The following CDH12 variants were observed in gnomAD, a reference collection of about 807,000 sequenced individuals.
The protein encoded by CDH12 is cadherin-12.
In CDH12, 41 loss-of-function variants were observed where a neutral mutation model predicts 74.1. The ratio of observed to expected loss-of-function variants is 0.55; its 90% CI spans 0.43 to 0.72. The LOEUF (loss-of-function observed/expected upper bound fraction) is 0.72. CDH12 is among the 30% of genes least tolerant of loss of function. CDH12 has a pLI of 0.00. For synonymous variants in CDH12, 399 were observed against 355.0 expected (o/e 1.12, Z -1.39); for missense variants, 945 against 977.2 (o/e 0.97, Z 0.44).
intron 1 of CDH12, among the ~76,000 whole-genome samples, chr5:22,608,493 G>A (rs933376194): frequency 6.6e-6 from 1 of 152,144 alleles, no homozygotes; most frequent in Non-Finnish European, 1.5e-5. Flanking sequence ...GACTTGCCTT[G>A]TCTCAGATAA....
At chr5:22,299,733 A>C (rs1436020872) in intron 3 of CDH12, among the ~76,000 whole-genome samples, 1 of 152,184 alleles carries the variant, frequency 6.6e-6, no homozygotes, top group Non-Finnish European at 1.5e-5. Context: ...TAAATAAATC[A>C]GTAGTTGTAT....
intron 1 of CDH12, among the ~76,000 whole-genome samples, chr5:22,844,557 T>C (rs1235349470): frequency 1.3e-5 from 2 of 152,138 alleles, no homozygotes; most frequent in Admixed American, 1.3e-4. Flanking sequence ...GGTGTATATA[T>C]AAATATTTTA....
chr5:21,854,825 G>C (rs764363311), intron 6 of CDH12, 35 bp from the exon 7 acceptor site: 3 of 1,588,898 alleles, frequency 1.9e-6, no homozygotes. Context: ...TAGCATTTTT[G>C]TTTTACTACT....
chr5:22,691,240 T>C (rs1273500726), intron 1 of CDH12, among the ~76,000 whole-genome samples: 3 of 152,214 alleles, frequency 2.0e-5, no homozygotes, highest in African/African-American at 7.2e-5. Context: ...TGGGCATTCC[T>C]TATTTTTTAC....
chr5:22,485,726 A>T (rs1277922798), intron 2 of CDH12, among the ~76,000 whole-genome samples: 1 of 152,214 alleles, frequency 6.6e-6, no homozygotes, highest in African/African-American at 2.4e-5. Flanking sequence ...AAACAGGTAC[A>T]GCATGGAAGA....
At chr5:22,719,985 T>C (rs1379622824) in intron 1 of CDH12, among the ~76,000 whole-genome samples, 2 of 152,048 alleles carry the variant, frequency 1.3e-5, no homozygotes, top group Non-Finnish European at 2.9e-5. Context: ...AATATGTGTT[T>C]GTCTTTTCAA....
chr5:22,031,127 G>T (rs922242125), intron 5 of CDH12, among the ~76,000 whole-genome samples: 3 of 152,202 alleles, frequency 2.0e-5, no homozygotes, highest in Admixed American at 2.0e-4. Flanking sequence ...AAGCTCAGGA[G>T]TTCGAGACCA....
chr5:21,764,693 C>T (rs1443771901), intron 12 of CDH12, among the ~76,000 whole-genome samples: 2 of 143,260 alleles, frequency 1.4e-5, no homozygotes, highest in Admixed American at 7.0e-5. Flanking sequence ...AGAAATTCAA[C>T]AGTAGGAGAA....
At chr5:21,870,665 T>C (rs1194249284) in intron 6 of CDH12, among the ~76,000 whole-genome samples, 1 of 152,138 alleles carries the variant, frequency 6.6e-6, no homozygotes, top group Non-Finnish European at 1.5e-5. Flanking sequence ...TTTGCTTAGA[T>C]TCATAAATGG....
rs1485958960 is a variant in CDH12, at chr5:22,270,573, C to T, written c.-332-57930G>A. ...TGGCACTGTTGCACTTCTGCCTAGG[C>T]GGCAGGGTGAGACACCGTCTCAAAA... On this transcript the variant is annotated intron_variant, in intron 3 of 14. Coordinates refer to ENST00000382254, the MANE Select transcript of CDH12 (RefSeq NM_004061.5). 6.3e-5 allele frequency among the ~76,000 whole-genome samples: 9 copies of T among 142,136 alleles called. No individual in the cohort carries two copies. In the South Asian group the frequency reaches 1.4e-3, roughly 22 times the overall value. The allele number at this position is 142,136 out of a possible 152,430, so 93.2% of individuals were successfully genotyped here.
At chr5:22,386,389 C>G (rs1440368753) in intron 3 of CDH12, among the ~76,000 whole-genome samples, 3 of 152,144 alleles carry the variant, frequency 2.0e-5, no homozygotes, top group Non-Finnish European at 2.9e-5. Flanking sequence ...CAAATTCTCC[C>G]CTAACTTCTT....
At chr5:22,490,451 T>C (rs1250481440) in intron 2 of CDH12, among the ~76,000 whole-genome samples, 1 of 152,092 alleles carries the variant, frequency 6.6e-6, no homozygotes, top group Non-Finnish European at 1.5e-5. Flanking sequence ...AGGAAATACC[T>C]GCATAACAAG....
Position 22,244,802 on chromosome 5 carries a change from A to AAGAAAGAG in CDH12, c.-332-32160_-332-32159insCTCTTTCT, listed in dbSNP as rs1159642087. ...AAAGAAAGAAAGAAAGAAAGAAAGA[A>AAGAAAGAG]AAATTCAAAGTAGGAGTGGGGAGCT... On this transcript the variant is annotated intron_variant, in intron 3 of 14. Coordinates refer to ENST00000382254, the MANE Select transcript of CDH12 (RefSeq NM_004061.5). 6.1e-3 allele frequency among the ~76,000 whole-genome samples: 402 copies of AAGAAAGAG among 65,690 alleles called. 4 individuals carry two copies. Among genetic ancestry groups the AAGAAAGAG allele is most frequent in the African/African-American group, 7.3e-3 (200 of 27,554 alleles). The allele number at this position is 65,690 out of a possible 152,430, so 43.1% of individuals were successfully genotyped here.
At chr5:22,672,546 C>T (rs921701722) in intron 1 of CDH12, among the ~76,000 whole-genome samples, 3 of 152,094 alleles carry the variant, frequency 2.0e-5, no homozygotes, top group African/African-American at 4.8e-5. Context: ...TTGCTTCCAC[C>T]ATCCACCCTT....
chr5:22,217,764 A>G (rs1169087643), intron 3 of CDH12, among the ~76,000 whole-genome samples: 1 of 151,772 alleles, frequency 6.6e-6, no homozygotes, highest in Non-Finnish European at 1.5e-5. Flanking sequence ...ACAAATGGAC[A>G]TATAAAATAA....
intron 8 of CDH12, among the ~76,000 whole-genome samples, chr5:21,825,224 G>A (rs569172826): frequency 8.6e-5 from 13 of 151,426 alleles, no homozygotes; most frequent in African/African-American, 2.9e-4. Flanking sequence ...AGCCTTAAAA[G>A]CATCCTGATA....
intron 4 of CDH12, among the ~76,000 whole-genome samples, chr5:22,120,278 G>A (rs2150273997): frequency 6.6e-6 from 1 of 152,082 alleles, no homozygotes; most frequent in Non-Finnish European, 1.5e-5. Flanking sequence ...AAAACTAGAA[G>A]GAATACCAGT....
In CDH12 at chr5:22,179,114, T is replaced by C. The variant is rs568659766; in HGVS notation, c.-187+33384A>G. The stretch of plus-strand genomic sequence containing the variant: ...TACTGAAAGAAGTATTGGCACATAA[T>C]AGGCAGTTAATAAATAGCAGTGAGG... On this transcript the variant is annotated intron_variant, in intron 4 of 14. Coordinates refer to ENST00000382254, the MANE Select transcript of CDH12 (RefSeq NM_004061.5). Among the ~76,000 whole-genome samples, 101 of 152,318 alleles carry C rather than the reference T, an allele frequency of 6.6e-4. 2 individuals carry two copies. The highest frequency in any genetic ancestry group is 2.3e-3 in the African/African-American group (95 of 41,590).
intron 7 of CDH12, among the ~76,000 whole-genome samples, chr5:21,845,992 T>G (rs2149991269): frequency 6.6e-6 from 1 of 152,256 alleles, no homozygotes; most frequent in East Asian, 1.9e-4. Flanking sequence ...AAGGGCTACC[T>G]AGGAGCCAGG....
Sources: allele counts gnomAD v4.1 joint callset (sites outside exome capture counted in the v4.1 genomes callset), GRCh38; gene constraint gnomAD v4.1.1; transcripts MANE v1.5; gene names NCBI Gene and HGNC (gene_info 2026-07-23, HGNC 2026-07-21).